PTPRT: variants seen among roughly 807,000 people sequenced by gnomAD.
The protein encoded by PTPRT is protein tyrosine phosphatase receptor type T, also known as receptor-type tyrosine-protein phosphatase T.
PTPRT carries 56 observed loss-of-function variants against 176.8 expected under a neutral mutation model. The observed-to-expected ratio is 0.32, with a 90% CI of 0.26 to 0.40. PTPRT has a LOEUF of 0.40. Ranked by LOEUF, PTPRT falls within the 10% of genes least tolerant of loss-of-function variation. The pLI is 1.00. For synonymous variants in PTPRT, 783 were observed against 739.0 expected (o/e 1.06, Z -0.96); for missense variants, 1,540 against 1,908.2 (o/e 0.81, Z 3.60).
At chr20:42,363,300 A>ATATAT (rs1248285783) in intron 9 of PTPRT, among the ~76,000 whole-genome samples, 4 of 30,560 alleles carry the variant, frequency 1.3e-4, no homozygotes, top group African/African-American at 1.7e-4. Flanking sequence ...ATATATATAT[A>ATATAT]TTTTTTTTTT....
intron 7 of PTPRT, among the ~76,000 whole-genome samples, chr20:42,664,737 A>T (rs2075283661): frequency 6.6e-6 from 1 of 152,116 alleles, no homozygotes; most frequent in Non-Finnish European, 1.5e-5. Context: ...CCAAAGTGTC[A>T]TATAAATTTT....
rs76029079 is a variant in PTPRT at position 43,104,403 on chromosome 20, C to T, written c.88+85243G>A. ...TTGGGGTATGTGTGATCCAGTCAAT[C>T]AACATAACAAAGCAGCTAAGAGTCC... On this transcript the variant is annotated intron_variant, in intron 1 of 30. Coordinates refer to ENST00000373187, the MANE Select transcript of PTPRT (RefSeq NM_007050.6). Among the ~76,000 whole-genome samples, 11 of 152,220 alleles carry T rather than the reference C, an allele frequency of 7.2e-5. 1 individual carries two copies. In the East Asian group the frequency reaches 2.1e-3, roughly 29 times the overall value.
intron 4 of PTPRT, among the ~76,000 whole-genome samples, chr20:42,777,102 T>C (rs1285643117): frequency 6.6e-6 from 1 of 152,066 alleles, no homozygotes; most frequent in African/African-American, 2.4e-5. Context: ...GCTCCAGAAC[T>C]TTCTTCCTCC....
the PTPRT span, among the ~76,000 whole-genome samples, chr20:42,059,980 T>G: frequency 6.6e-6 from 1 of 152,204 alleles, no homozygotes; most frequent in Non-Finnish European, 1.5e-5. Flanking sequence ...CTTGTCTCCT[T>G]AATTCTAATA....
chr20:42,865,824 G>A (rs1470315257), intron 2 of PTPRT, among the ~76,000 whole-genome samples: 3 of 152,146 alleles, frequency 2.0e-5, no homozygotes, highest in Admixed American at 2.0e-4. Context: ...GGGTGCTCCT[G>A]GTGGAATGCC....
Position 42,315,770 on chromosome 20 carries a change from G to A in PTPRT, c.2092C>T (p.Leu698=), listed in dbSNP as rs777227473. The part of the protein sequence containing the change: ...NGYWNPPLSP[L]KSYSIYFQAL... Reference sequence around the variant, plus strand: ...TGGAAGTAGATGCTGTAGCTTTTCAGGGGAGAGAGAGGAGGGTTCCAGTAG... The same window carrying A: ...TGGAAGTAGATGCTGTAGCTTTTCAAGGGAGAGAGAGGAGGGTTCCAGTAG... Residue 698 remains leucine (L), a synonymous_variant, in exon 12 of 31, where the codon CTG becomes TTG. Transcript: ENST00000373187. 1 of 1,613,994 alleles carries A rather than the reference G, an allele frequency of 6.2e-7. No homozygotes were observed. The highest frequency in any genetic ancestry group is 2.2e-5 in the East Asian group (1 of 44,880).
intron 9 of PTPRT, among the ~76,000 whole-genome samples, chr20:42,430,082 T>C (rs1458011040): frequency 6.6e-6 from 1 of 152,222 alleles, no homozygotes; most frequent in Non-Finnish European, 1.5e-5. Flanking sequence ...ATCTGTATTT[T>C]AGCAAAATGA....
At chr20:42,781,324 C>A (rs142428508) in intron 3 of PTPRT, among the ~76,000 whole-genome samples, 12 of 152,210 alleles carry the variant, frequency 7.9e-5, no homozygotes, top group Admixed American at 5.2e-4. Flanking sequence ...CAACTGCCGC[C>A]CTTTCAACAT....
At chr20:43,163,532 G>A (rs1191890420) in intron 1 of PTPRT, among the ~76,000 whole-genome samples, 3 of 152,166 alleles carry the variant, frequency 2.0e-5, no homozygotes, top group African/African-American at 7.2e-5. Flanking sequence ...CAGCTACTCA[G>A]GAGGCTGTGG....
intron 7 of PTPRT, among the ~76,000 whole-genome samples, chr20:42,519,201 A>G (rs1447328198): frequency 6.6e-6 from 1 of 152,128 alleles, no homozygotes; most frequent in East Asian, 1.9e-4. Flanking sequence ...TATTGTTTCA[A>G]GAATGTTATA....
intron 1 of PTPRT, among the ~76,000 whole-genome samples, chr20:43,075,007 C>A (rs147558257): frequency 6.6e-6 from 1 of 152,218 alleles, no homozygotes; most frequent in African/African-American, 2.4e-5. Context: ...TTTGCATAGG[C>A]TCATTCCCCG....
At chr20:42,826,491 A>T (rs1479274499) in intron 2 of PTPRT, among the ~76,000 whole-genome samples, 1 of 152,228 alleles carries the variant, frequency 6.6e-6, no homozygotes, top group Non-Finnish European at 1.5e-5. Flanking sequence ...TAAATCTCTA[A>T]CATGAACAGA....
At chr20:42,241,397 C>T (rs770722775) in intron 14 of PTPRT, among the ~76,000 whole-genome samples, 3 of 152,060 alleles carry the variant, frequency 2.0e-5, no homozygotes, top group Non-Finnish European at 4.4e-5. Context: ...GTTGGAAGGG[C>T]TAGTTCCCAA....
intron 1 of PTPRT, among the ~76,000 whole-genome samples, chr20:43,113,525 C>T (rs1417982193): frequency 6.6e-6 from 1 of 152,138 alleles, no homozygotes; most frequent in East Asian, 1.9e-4. Flanking sequence ...GAACTGTCAT[C>T]ATTGAAAAGC....
intron 7 of PTPRT, among the ~76,000 whole-genome samples, chr20:42,483,935 G>A (rs1162238064): frequency 9.9e-5 from 15 of 152,212 alleles, no homozygotes; most frequent in Non-Finnish European, 2.1e-4. Flanking sequence ...GGAGACTTCA[G>A]CATCAGGTAT....
At chr20:42,546,768 G>T (rs1330641648) in intron 7 of PTPRT, among the ~76,000 whole-genome samples, 7 of 152,090 alleles carry the variant, frequency 4.6e-5, no homozygotes, top group African/African-American at 1.7e-4. Context: ...GGAATATGGG[G>T]GCCCAGGAGA....
chr20:42,418,619 A>G (rs1282296428), intron 9 of PTPRT, among the ~76,000 whole-genome samples: 2 of 152,222 alleles, frequency 1.3e-5, no homozygotes, highest in African/African-American at 4.8e-5. Flanking sequence ...CTCAAAATCA[A>G]TGTCCAAATC....
chr20:42,236,086 G>T, intron 15 of PTPRT, 143 bp downstream of exon 15: 1 of 629,524 alleles, frequency 1.6e-6, no homozygotes, highest in Non-Finnish European at 2.7e-6. Flanking sequence ...ACACATTTAT[G>T]CAAAATAAAA....
At chr20:42,111,207 T>C (rs1986973251) in intron 22 of PTPRT, among the ~76,000 whole-genome samples, 1 of 152,182 alleles carries the variant, frequency 6.6e-6, no homozygotes, top group South Asian at 2.1e-4. Context: ...CTTCTAAGCC[T>C]TCGCTTAGAC....
Sources: allele counts gnomAD v4.1 joint callset (sites outside exome capture counted in the v4.1 genomes callset), GRCh38; gene constraint gnomAD v4.1.1; transcripts MANE v1.5; gene names NCBI Gene and HGNC (gene_info 2026-07-23, HGNC 2026-07-21).